BEST3: variants seen among roughly 807,000 people sequenced by gnomAD.
BEST3 encodes bestrophin-3.
A neutral mutation model predicts 47.1 loss-of-function variants in BEST3; 50 were observed. The observed-to-expected ratio is 1.06, with a 90% CI of 0.85 to 1.34. The LOEUF (loss-of-function observed/expected upper bound fraction) is 1.34. BEST3 is among the 40% of genes most tolerant of loss of function. The pLI is 0.00. For missense variants in BEST3, 765 were observed against 817.0 expected (o/e 0.94, Z 0.78); for synonymous variants, 282 against 298.8 (o/e 0.94, Z 0.58).
chr12:69,646,939 T>TTA (rs1555201121), intron 9 of BEST3, among the ~76,000 whole-genome samples: 4 of 78,330 alleles, frequency 5.1e-5, no homozygotes, highest in Non-Finnish European at 1.5e-4. Flanking sequence ...CCTTGGGGAA[T>TTA]AAAAAAAAAG....
intron 9 of BEST3, among the ~76,000 whole-genome samples, chr12:69,669,417 A>G (rs1884427208): frequency 6.6e-6 from 1 of 152,142 alleles, no homozygotes; most frequent in Admixed American, 6.5e-5. Context: ...TCCTCTCTCC[A>G]TCCTGCTGGT....
intron 5 of BEST3, among the ~76,000 whole-genome samples, chr12:69,678,424 A>G (rs1383660837): frequency 1.3e-5 from 2 of 152,084 alleles, no homozygotes; most frequent in African/African-American, 4.8e-5. Flanking sequence ...CAAATATACT[A>G]CATGGGCACC....
rs1325504885 is a variant in BEST3 at position 69,655,015 on chromosome 12, C to T, written c.1899G>A (p.Val633=). 1 of 1,614,084 alleles carries T rather than the reference C, an allele frequency of 6.2e-7. No homozygotes were observed. The highest frequency in any genetic ancestry group is 1.7e-5 in the Admixed American group (1 of 60,020). The change falls in exon 10 of 10, where the codon GTG becomes GTA. Residue 633 remains valine, a synonymous_variant. Coordinates refer to ENST00000330891, the MANE Select transcript of BEST3 (RefSeq NM_032735.3). ...TSSEISGINI[V]AGSRVSSDML... is the part of the protein sequence containing the mutation. Reference sequence around the variant, plus strand: ...TATCAGAAGAGACTCGAGAGCCAGCCACAATGTTGATCCCACTGATCTCTG... The same window carrying T: ...TATCAGAAGAGACTCGAGAGCCAGCTACAATGTTGATCCCACTGATCTCTG...
Position 69,698,163 on chromosome 12 carries a change from G to C in BEST3, c.-15-350C>G, listed in dbSNP as rs113489652. Among the ~76,000 whole-genome samples the C allele has an allele frequency of 8.1e-3, 1,235 of 152,276 alleles. 15 individuals are homozygous for C. The highest frequency in any genetic ancestry group is 0.021 in the South Asian group (103 of 4,826). On this transcript the variant is annotated intron_variant, in intron 1 of 9. Transcript: ENST00000330891. The stretch of plus-strand genomic sequence containing the variant: ...TTAATTGATGGGGCACTTTTGGTGG[G>C]TTTGATTGCATGTAGATGTCTCTCT...
intron 9 of BEST3, chr12:69,643,845 T>C: frequency 4.8e-6 from 3 of 629,866 alleles, no homozygotes; most frequent in Non-Finnish European, 5.8e-6. Flanking sequence ...TACAGGTGCT[T>C]CTCTTTTCTT....
At chr12:69,684,798 G>A (rs1305277580) in intron 4 of BEST3, among the ~76,000 whole-genome samples, 1 of 152,124 alleles carries the variant, frequency 6.6e-6, no homozygotes, top group Non-Finnish European at 1.5e-5. Context: ...CTGTCAATTG[G>A]GAAAATCAAG....
At chr12:69,672,363 T>C (rs1593160057) in intron 8 of BEST3, among the ~76,000 whole-genome samples, 2 of 152,244 alleles carry the variant, frequency 1.3e-5, no homozygotes, top group Non-Finnish European at 2.9e-5. Flanking sequence ...TGAAAAGCTC[T>C]CTGGAATAGT....
intron 9 of BEST3, among the ~76,000 whole-genome samples, chr12:69,657,870 C>T (rs1312359433): frequency 6.6e-6 from 1 of 152,200 alleles, no homozygotes. Flanking sequence ...TCAGCAGCGC[C>T]CTTGGCTACC....
In BEST3 at chr12:69,671,440, G is replaced by A. The variant is rs766654723; in HGVS notation, c.1088C>T (p.Thr363Ile). The A allele has an allele frequency of 2.8e-5, 45 of 1,613,526 alleles. 1 individual carries two copies. In the South Asian group the frequency reaches 4.7e-4, roughly 17 times the overall value. The change falls in exon 9 of 10, where the codon ACA becomes ATA. Residue 363 changes from threonine to isoleucine, a missense_variant. By Grantham distance (89) the Thr-to-Ile change is moderately conservative. Coordinates refer to ENST00000330891, the MANE Select transcript of BEST3 (RefSeq NM_032735.3). Reference sequence around the variant, plus strand: ...AAAATGCACTTACCCCATCTGGACTGTTGACCCCAGAAATGAGGGTATGCA... The same window carrying A: ...AAAATGCACTTACCCCATCTGGACTATTGACCCCAGAAATGAGGGTATGCA... ...DYCIPSFLGS[T>I]VQMGLSGSDF...
chr12:69,678,642 C>A, intron 5 of BEST3, 97 bp downstream of exon 5: 3 of 1,197,718 alleles, frequency 2.5e-6, no homozygotes, highest in Non-Finnish European at 2.4e-6. Flanking sequence ...GGAACCAGGA[C>A]TGAACAAAGC....
At chr12:69,696,602 A>C (rs886368939) in intron 2 of BEST3, among the ~76,000 whole-genome samples, 10 of 152,168 alleles carry the variant, frequency 6.6e-5, no homozygotes, top group African/African-American at 2.4e-4. Context: ...ATATATACCA[A>C]TGCATACACT....
chr12:69,670,149 T>G, intron 9 of BEST3: 1 of 279,630 alleles, frequency 3.6e-6, no homozygotes, highest in Admixed American at 4.5e-5. Flanking sequence ...ATTGAGATGA[T>G]TGCTGGATGT....
Position 69,655,810 on chromosome 12 carries a change from C to T in BEST3, c.1104G>A (p.Leu368=), listed in dbSNP as rs1002640576. 6.9e-6 allele frequency: 11 copies of T among 1,601,414 alleles called. No homozygotes were observed. Among genetic ancestry groups the T allele is most frequent in the Non-Finnish European group, 8.5e-6 (10 of 1,171,816 alleles). ...SFLGSTVQMG[L]SGSDFPDEEW... ...CCTCGTCAGGAAAGTCGGACCCAGA[C>T]AGCCTGAAACACACAATGACAAGAT... is the stretch of plus-strand genomic sequence containing the variant. Residue 368 remains leucine (L), a synonymous_variant, in exon 10 of 10, where the codon CTG becomes CTA. Transcript: ENST00000330891.
chr12:69,664,897 A>G (rs555586643), intron 9 of BEST3, among the ~76,000 whole-genome samples: 1 of 152,308 alleles, frequency 6.6e-6, no homozygotes, highest in Non-Finnish European at 1.5e-5. Flanking sequence ...TTATACAATT[A>G]TAAAGTTTGT....
In BEST3 at chr12:69,678,756, G is replaced by A. The variant is rs770670327; in HGVS notation, c.619C>T (p.Leu207=). ...NEGRIRDSVD[L]QSLMTEMNRY... The stretch of plus-strand genomic sequence containing the variant: ...ATACTTACAGTCATCAATGATTGCA[G>A]ATCAACACTGTCTCTGATTCTACCT... The change falls in exon 5 of 10, where the codon CTG becomes TTG. Residue 207 remains leucine (L), a synonymous_variant. Transcript: ENST00000330891. 2 of 1,614,002 alleles carry A rather than the reference G, an allele frequency of 1.2e-6. No homozygotes were observed. Among genetic ancestry groups the A allele is most frequent in the South Asian group, 2.2e-5 (2 of 91,058 alleles).
intron 5 of BEST3, 135 bp from the exon 6 acceptor site, chr12:69,677,392 C>A: frequency 1.3e-6 from 1 of 765,730 alleles, no homozygotes; most frequent in Non-Finnish European, 2.2e-6. Context: ...CAAGGATACT[C>A]CAAAAGGAAA....
intron 4 of BEST3, among the ~76,000 whole-genome samples, chr12:69,691,437 T>C (rs1885919091): frequency 6.6e-6 from 1 of 152,150 alleles, no homozygotes; most frequent in Non-Finnish European, 1.5e-5. Flanking sequence ...ATTGTGAAAT[T>C]TGATAACATA....
chr12:69,695,817 C>T (rs1487267934), intron 2 of BEST3, among the ~76,000 whole-genome samples: 1 of 151,976 alleles, frequency 6.6e-6, no homozygotes, highest in South Asian at 2.1e-4. Context: ...TATATGTATA[C>T]ATATATATAA....
In BEST3 at chr12:69,654,135, C is replaced by G. The variant is rs374974191; in HGVS notation, c.*772G>C. 7 of 985,282 alleles carry G rather than the reference C, an allele frequency of 7.1e-6. No individual in the cohort carries two copies. In the African/African-American group the frequency reaches 1.2e-4, roughly 17 times the overall value. The allele number at this position is 985,282 out of a possible 1,614,324, so 61.0% of individuals were successfully genotyped here. A position where few individuals can be genotyped will look rare whatever the true frequency, so the allele number is the denominator to read the frequency against. On this transcript the variant is annotated 3_prime_UTR_variant, in exon 10 of 10. Coordinates refer to ENST00000330891, the MANE Select transcript of BEST3 (RefSeq NM_032735.3). ...ACACCTTTGATGATTCTGTAGGAGGCTTTGCCAATGTCTTATATTTTGAAA... is the reference window on the plus strand; with the variant it reads ...ACACCTTTGATGATTCTGTAGGAGGGTTTGCCAATGTCTTATATTTTGAAA...
Sources: gnomAD v4.1 joint callset for allele counts (sites outside exome capture counted in the v4.1 genomes callset) on GRCh38, gnomAD v4.1.1 for gene constraint, MANE v1.5 for transcripts, NCBI Gene and HGNC (gene_info 2026-07-23, HGNC 2026-07-21) for gene names.